The following ZNF322 variants were observed in gnomAD, a reference collection of about 807,000 sequenced individuals.
ZNF322 encodes the protein HLA complex group 12.
A neutral mutation model predicts 18.3 loss-of-function variants in ZNF322; 1 was observed. That is an observed-to-expected ratio of 0.05 (90% CI 0.02 to 0.26). ZNF322 has a LOEUF of 0.26. ZNF322 is among the 10% of genes least tolerant of loss of function. The probability of loss-of-function intolerance (pLI) is 1.00; values close to 1 mark genes in which losing one functional copy is unlikely to be tolerated. For synonymous variants in ZNF322, 17 were observed against 130.7 expected (o/e 0.13, Z 5.93); for missense variants, 36 against 403.6 (o/e 0.09, Z 7.80).
intron 2 of ZNF322, among the ~76,000 whole-genome samples, chr6:26,655,817 C>T (rs1337023267): frequency 6.6e-6 from 1 of 152,132 alleles, no homozygotes; most frequent in Non-Finnish European, 1.5e-5. Flanking sequence ...CTCACCCTCT[C>T]TTTGCCCTTT....
At chr6:26,658,330 A>G (rs1380126750) in intron 2 of ZNF322, among the ~76,000 whole-genome samples, 2 of 152,140 alleles carry the variant, frequency 1.3e-5, no homozygotes, top group African/African-American at 4.8e-5. Context: ...ATCAAAAAGC[A>G]ATTACTGCAA....
chr6:26,657,460 T>C (rs1765801976), intron 2 of ZNF322, among the ~76,000 whole-genome samples: 2 of 152,132 alleles, frequency 1.3e-5, no homozygotes, highest in Admixed American at 1.3e-4. Flanking sequence ...GACTCAAGTC[T>C]CTGCCTGAAG....
chr6:26,645,069 CA>C (rs1765532571), intron 2 of ZNF322, among the ~76,000 whole-genome samples: 1 of 151,518 alleles, frequency 6.6e-6, no homozygotes, highest in Admixed American at 6.6e-5. Context: ...GCGGTGTTTG[CA>C]CACCAATTAT....
intron 2 of ZNF322, among the ~76,000 whole-genome samples, chr6:26,645,921 C>T (rs910178907): frequency 6.6e-6 from 1 of 151,942 alleles, no homozygotes; most frequent in Non-Finnish European, 1.5e-5. Context: ...ATCCCAGCTA[C>T]TTGGGAGGCT....
chr6:26,650,023 A>G (rs1765640236), intron 2 of ZNF322, among the ~76,000 whole-genome samples: 1 of 152,108 alleles, frequency 6.6e-6, no homozygotes, highest in Non-Finnish European at 1.5e-5. Flanking sequence ...ATATATATAA[A>G]AAATGAACAA....
At chr6:26,656,048 T>C (rs1765764889) in intron 2 of ZNF322, among the ~76,000 whole-genome samples, 1 of 152,234 alleles carries the variant, frequency 6.6e-6, no homozygotes, top group African/African-American at 2.4e-5. Context: ...TTAGAGCATA[T>C]GAGTGAAGGG....
chr6:26,648,627 G>A (rs1348595898), intron 2 of ZNF322, among the ~76,000 whole-genome samples: 6 of 152,278 alleles, frequency 3.9e-5, no homozygotes, highest in Middle Eastern at 3.4e-3. Flanking sequence ...GAAACCACCA[G>A]TTTTTTACAT....
At chr6:26,654,368 C>A (rs2113675296) in intron 2 of ZNF322, among the ~76,000 whole-genome samples, 1 of 152,144 alleles carries the variant, frequency 6.6e-6, no homozygotes, top group South Asian at 2.1e-4. Flanking sequence ...ACCAAGCATT[C>A]AGACATGGGT....
intron 2 of ZNF322, among the ~76,000 whole-genome samples, chr6:26,650,937 T>C (rs1315506601): frequency 1.3e-5 from 2 of 152,272 alleles, no homozygotes; most frequent in South Asian, 2.1e-4. Flanking sequence ...AAAGTTTATA[T>C]GAAGAGGTAA....
chr6:26,653,461 A>G (rs1765710433), intron 2 of ZNF322, among the ~76,000 whole-genome samples: 1 of 152,236 alleles, frequency 6.6e-6, no homozygotes, highest in Non-Finnish European at 1.5e-5. Flanking sequence ...AATATTTAAA[A>G]TAAATATCTG....
At chr6:26,648,690 A>C (rs1254923474) in intron 2 of ZNF322, among the ~76,000 whole-genome samples, 1 of 152,260 alleles carries the variant, frequency 6.6e-6, no homozygotes, top group African/African-American at 2.4e-5. Flanking sequence ...CAACCTTTGT[A>C]TAACAGCAGC....
At position 26,654,933 on chromosome 6, in the gene ZNF322, C is replaced by T. The variant is rs898814842; in HGVS notation, c.-246+3625G>A. On this transcript the variant is annotated intron_variant, in intron 2 of 3. Transcript: ENST00000415922. ...TATCCTCAACTAAAGTGAACATGAC[C>T]AGTAATGAGATAAAACATCATGAGC... 2.6e-5 allele frequency among the ~76,000 whole-genome samples: 4 copies of T among 152,156 alleles called. No individual in the cohort carries two copies. In the East Asian group the frequency reaches 7.7e-4, roughly 29 times the overall value.
At chr6:26,650,128 T>A (rs1765642352) in intron 2 of ZNF322, among the ~76,000 whole-genome samples, 1 of 152,050 alleles carries the variant, frequency 6.6e-6, no homozygotes, top group African/African-American at 2.4e-5. Flanking sequence ...CTCTTAAAAA[T>A]TGAGGGAAAA....
At chr6:26,648,905 T>A (rs1765602432) in intron 2 of ZNF322, among the ~76,000 whole-genome samples, 2 of 152,356 alleles carry the variant, frequency 1.3e-5, no homozygotes, top group South Asian at 4.1e-4. Flanking sequence ...AGCTTCTTTA[T>A]GAAACTAGAC....
At chr6:26,644,798 CTATT>C (rs1554148581) in intron 2 of ZNF322, among the ~76,000 whole-genome samples, 1 of 152,044 alleles carries the variant, frequency 6.6e-6, no homozygotes, top group African/African-American at 2.4e-5. Flanking sequence ...ATTTATTTAT[CTATT>C]TATTTATTTA....
intron 2 of ZNF322, among the ~76,000 whole-genome samples, chr6:26,649,854 C>T (rs1033752418): frequency 6.6e-6 from 1 of 150,940 alleles, no homozygotes; most frequent in African/African-American, 2.4e-5. Context: ...CAGGCATGCA[C>T]CACCATGCCT....
At chr6:26,643,086 T>C (rs1419515690) in intron 3 of ZNF322, among the ~76,000 whole-genome samples, 1 of 152,198 alleles carries the variant, frequency 6.6e-6, no homozygotes, top group Admixed American at 6.5e-5. Flanking sequence ...CACCCTTTTA[T>C]ATTATTCTTC....
intron 2 of ZNF322, among the ~76,000 whole-genome samples, chr6:26,655,996 C>T (rs577411727): frequency 3.2e-4 from 49 of 152,268 alleles, no homozygotes; most frequent in African/African-American, 1.1e-3. Flanking sequence ...GTTTAATAGA[C>T]AGAGGCAAAA....
chr6:26,642,471 C>T (rs529669721), intron 3 of ZNF322, among the ~76,000 whole-genome samples: 1 of 152,280 alleles, frequency 6.6e-6, no homozygotes, highest in Non-Finnish European at 1.5e-5. Context: ...GCAAGAAATA[C>T]CCACAGGTGT....
Sources: allele counts gnomAD v4.1 joint callset (sites outside exome capture counted in the v4.1 genomes callset), GRCh38; gene constraint gnomAD v4.1.1; transcripts MANE v1.5; gene names NCBI Gene and HGNC (gene_info 2026-07-23, HGNC 2026-07-21).